Variants in ABCA1 observed in about 807,000 individuals in gnomAD.
The protein encoded by ABCA1 is ATP binding cassette subfamily A member 1.
Under a neutral mutation model 262.5 loss-of-function variants are expected in ABCA1, and 133 were observed. The ratio of observed to expected loss-of-function variants is 0.51; its 90% CI spans 0.44 to 0.59. ABCA1 has a LOEUF of 0.59. Ranked by LOEUF, ABCA1 falls within the 20% of genes least tolerant of loss-of-function variation. The pLI, the probability that ABCA1 is intolerant of heterozygous loss-of-function variation, is 0.00. For synonymous variants in ABCA1, 1,022 were observed against 1,043.5 expected, an observed-to-expected ratio of 0.98 and a Z score of 0.40; for missense variants, 2,452 against 2,777.5, an observed-to-expected ratio of 0.88 and a Z score of 2.63.
intron 13 of ABCA1, 133 bp from the exon 14 acceptor site, chr9:104,831,234 T>G (rs1833292831): frequency 2.2e-6 from 2 of 910,588 alleles, no homozygotes; most frequent in East Asian, 2.7e-5. Context: ...TTTTTTTTTT[T>G]GAGATGGAGT....
At chr9:104,915,491 G>A (rs1036361771) in intron 1 of ABCA1, among the ~76,000 whole-genome samples, 1 of 152,164 alleles carries the variant, frequency 6.6e-6, no homozygotes. Flanking sequence ...CCACTTACTT[G>A]TGATTCTGAA....
At chr9:104,829,225 G>A (rs1425071218) in intron 14 of ABCA1, 87 bp from the exon 15 acceptor site, 1 of 1,339,080 alleles carries the variant, frequency 7.5e-7, no homozygotes, top group Non-Finnish European at 1.1e-6. Context: ...CTGCATGCTA[G>A]AGGGAGCACC....
At chr9:104,803,134 A>G (rs2118902266) in intron 33 of ABCA1, 150 bp downstream of exon 33, 1 of 884,952 alleles carries the variant, frequency 1.1e-6, no homozygotes, top group East Asian at 2.4e-5. Flanking sequence ...TGTGTGCTCC[A>G]CATGTTCACA....
At chr9:104,794,348 A>C (rs1588213165) in intron 40 of ABCA1, 39 bp downstream of exon 40, 1 of 1,613,808 alleles carries the variant, frequency 6.2e-7, no homozygotes, top group East Asian at 2.2e-5. Flanking sequence ...GCAGAGTGCC[A>C]TCTCCATTAA....
At chr9:104,791,873 T>C (rs1829456970) in intron 43 of ABCA1, 63 bp downstream of exon 43, 1 of 1,534,394 alleles carries the variant, frequency 6.5e-7, no homozygotes, top group East Asian at 2.3e-5. Context: ...GCATCGTTGC[T>C]TGATTGGGTA....
chr9:104,839,350 C>CT (rs1834154102), intron 9 of ABCA1, among the ~76,000 whole-genome samples: 1 of 152,220 alleles, frequency 6.6e-6, no homozygotes, highest in African/African-American at 2.4e-5. Flanking sequence ...GGGCTTGAAT[C>CT]CTGGCTCTTG....
rs142688906 is a variant in ABCA1, at chr9:104,791,982, C to T, written c.5774G>A (p.Arg1925Gln). ...KELTKIYRRK[R>Q]KPAVDRICVG... Reference sequence around the variant, plus strand: ...GCAAATCCTGTCAACAGCAGGCTTCCGCTTCCTTCTATATATCTGCAACAA... The same window carrying T: ...GCAAATCCTGTCAACAGCAGGCTTCTGCTTCCTTCTATATATCTGCAACAA... Residue 1925 changes from arginine (R) to glutamine (Q), a missense_variant, in exon 43 of 50, where the codon CGG (arginine) becomes CAG (glutamine). By Grantham distance (43) the Arg-to-Gln change is conservative (BLOSUM62 1). This residue lies in a region of ABCA1 where 752 missense variants were observed against 944.5 expected (regional missense o/e 0.80). Transcript: ENST00000374736. 1.6e-3 allele frequency: 2,585 copies of T among 1,613,370 alleles called. 8 individuals are homozygous for T. Among genetic ancestry groups the T allele is most frequent in the Non-Finnish European group, 1.5e-3 (1,778 of 1,179,754 alleles).
Position 104,786,296 on chromosome 9 carries a change from A to T in ABCA1, c.6401+2T>A, listed in dbSNP as rs747659072. On this transcript the variant is annotated splice_donor_variant, in intron 48 of 49. Coordinates refer to ENST00000374736, the MANE Select transcript of ABCA1 (RefSeq NM_005502.4). LOFTEE classifies it high-confidence loss of function. The stretch of plus-strand genomic sequence containing the variant: ...CTATCCCAAAGAAATTATCTTTATT[A>T]CCTATTTTTTAGATGCTGGACACTG... 1 of 1,611,106 alleles carries T rather than the reference A, an allele frequency of 6.2e-7. No homozygotes were observed. The highest frequency in any genetic ancestry group is 8.5e-7 in the Non-Finnish European group (1 of 1,177,406).
rs1242849360 is a variant in ABCA1, at chr9:104,808,313, C to G, written c.4274+1153G>C. Reference sequence around the variant, plus strand: ...CAGTTCTGGCTCCTACAGAGCCTTCCTAAGCTAGCATCAATCCATGAGTTC... The same window carrying G: ...CAGTTCTGGCTCCTACAGAGCCTTCGTAAGCTAGCATCAATCCATGAGTTC... On this transcript the variant is annotated intron_variant, in intron 30 of 49. Transcript: ENST00000374736. 3.3e-5 allele frequency among the ~76,000 whole-genome samples: 5 copies of G among 152,162 alleles called. No homozygotes were observed. In the East Asian group the frequency reaches 9.6e-4, roughly 29 times the overall value.
intron 35 of ABCA1, 145 bp from the exon 36 acceptor site, chr9:104,800,133 C>G: frequency 1.1e-6 from 1 of 930,526 alleles, no homozygotes; most frequent in Non-Finnish European, 1.7e-6. Flanking sequence ...GAGAATATGG[C>G]GAAGTAATTA....
At chr9:104,927,136 G>T (rs1826410992) in intron 1 of ABCA1, among the ~76,000 whole-genome samples, 1 of 151,950 alleles carries the variant, frequency 6.6e-6, no homozygotes, top group Admixed American at 6.6e-5. Flanking sequence ...CTTGAACCCG[G>T]GAGGCGGAGG....
chr9:104,884,583 G>A lies in ABCA1; in HGVS notation c.161-15C>T. The A allele has an allele frequency of 6.2e-7, 1 of 1,614,112 alleles. No homozygotes were observed. The highest frequency in any genetic ancestry group is 8.5e-7 in the Non-Finnish European group (1 of 1,179,990). Reference sequence around the variant, plus strand: ...TGGAAAATGGCCTGTTGAAATCGAGGAGTAGAAAAACACAGGGAGAAACAT... The same window carrying A: ...TGGAAAATGGCCTGTTGAAATCGAGAAGTAGAAAAACACAGGGAGAAACAT... On this transcript the variant is annotated splice_polypyrimidine_tract_variant and intron_variant, in intron 3 of 49. Transcript: ENST00000374736.
intron 18 of ABCA1, 120 bp downstream of exon 18, chr9:104,824,345 C>A: frequency 6.5e-7 from 1 of 1,544,824 alleles, no homozygotes; most frequent in Non-Finnish European, 8.7e-7. Flanking sequence ...CATGTGATTT[C>A]TCTGCCCCTG....
chr9:104,882,041 A>C (rs979267107), intron 5 of ABCA1, among the ~76,000 whole-genome samples: 9 of 146,608 alleles, frequency 6.1e-5, no homozygotes, highest in African/African-American at 1.5e-4. Flanking sequence ...AAAAAAAAAA[A>C]AAAAAAAAAA....
rs199734772 is a variant in ABCA1, at chr9:104,816,297, C to T, written c.3584G>A (p.Arg1195Gln). 131 of 1,614,038 alleles carry T rather than the reference C, an allele frequency of 8.1e-5. No homozygotes were observed. Among genetic ancestry groups the T allele is most frequent in the East Asian group, 7.6e-4 (34 of 44,854 alleles). ...CTCATGCCCTATGTCTTCCACCAGCCGGGCTTCAGACACATGCTTCCTGAT... is the reference window on the plus strand; with the variant it reads ...CTCATGCCCTATGTCTTCCACCAGCTGGGCTTCAGACACATGCTTCCTGAT... ...NLIRKHVSEA[R>Q]LVEDIGHELT... Residue 1195 changes from arginine to glutamine, a missense_variant, in exon 25 of 50, where the codon CGG (arginine) becomes CAG (glutamine). Arg to Gln is a conservative substitution (Grantham distance 43, BLOSUM62 1). Coordinates refer to ENST00000374736, the MANE Select transcript of ABCA1 (RefSeq NM_005502.4).
chr9:104,800,672 G>T, intron 34 of ABCA1, 88 bp from the exon 35 acceptor site: 1 of 1,180,858 alleles, frequency 8.5e-7, no homozygotes, highest in Non-Finnish European at 1.3e-6. Context: ...CAACAGGACG[G>T]CCCTGTGAAG....
At chr9:104,831,184 T>G in intron 13 of ABCA1, 83 bp from the exon 14 acceptor site, 4 of 1,179,290 alleles carry the variant, frequency 3.4e-6, no homozygotes, top group Non-Finnish European at 4.7e-6. Flanking sequence ...CCCAAAACCC[T>G]ACTACCCTTA....
intron 8 of ABCA1, among the ~76,000 whole-genome samples, chr9:104,844,700 C>A (rs1449296977): frequency 6.6e-6 from 1 of 152,192 alleles, no homozygotes; most frequent in African/African-American, 2.4e-5. Context: ...AATTTCCCCA[C>A]AAATTATTAT....
chr9:104,791,498 A>G (rs528277767), intron 43 of ABCA1, among the ~76,000 whole-genome samples: 1 of 134,896 alleles, frequency 7.4e-6, no homozygotes, highest in East Asian at 2.5e-4. Context: ...CAGCAGCGCA[A>G]TCTGGGCAAC....
Sources: gnomAD v4.1 joint callset for allele counts (sites outside exome capture counted in the v4.1 genomes callset) on GRCh38, gnomAD v4.1.1 for gene constraint, gnomAD v4.1.1 regional missense constraint, MANE v1.5 for transcripts, NCBI Gene and HGNC (gene_info 2026-07-23, HGNC 2026-07-21) for gene names.